ATP13A2: variants seen among roughly 807,000 people sequenced by gnomAD.
ATP13A2 encodes polyamine-transporting ATPase 13A2.
ATP13A2 carries 83 observed loss-of-function variants against 138.3 expected under a neutral mutation model. That is an observed-to-expected ratio of 0.60 (90% CI 0.50 to 0.72). The LOEUF (loss-of-function observed/expected upper bound fraction) is 0.72, where lower values mean the gene tolerates loss of function less well. Ranked by LOEUF, ATP13A2 falls within the 30% of genes least tolerant of loss-of-function variation. The pLI is 0.00. For synonymous variants in ATP13A2, 663 were observed against 699.0 expected, an observed-to-expected ratio of 0.95 and a Z score of 0.81; for missense variants, 1,402 against 1,606.4, an observed-to-expected ratio of 0.87 and a Z score of 2.17.
chr1:17,010,107 C>T (rs1230589895), intron 1 of ATP13A2, among the ~76,000 whole-genome samples: 4 of 150,806 alleles, frequency 2.7e-5, no homozygotes, highest in African/African-American at 2.4e-5. Flanking sequence ...CCCCTTCCCC[C>T]CTGCCCGTCT....
At chr1:17,002,502 G>C in intron 6 of ATP13A2, 129 bp from the exon 7 acceptor site, 1 of 1,108,276 alleles carries the variant, frequency 9.0e-7, no homozygotes, top group Admixed American at 2.2e-5. Context: ...GCTCCTGGGA[G>C]CAAGTAAGCC....
In ATP13A2 at chr1:16,993,692, G is replaced by A; in HGVS notation, c.1686C>T (p.Ser562=). ...CGCCCACGGGGGTGTCCTGGAGCCG[G>A]CTGAGGGCATGGCAGGTGGCCAGTG... ...LRALATCHAL[S]RLQDTPVGDP... The change falls in exon 16 of 29, where the codon AGC becomes AGT. Residue 562 remains serine (S), a synonymous_variant. Transcript: ENST00000326735. 1 of 1,596,674 alleles carries A rather than the reference G, an allele frequency of 6.3e-7. No individual in the cohort carries two copies. Among genetic ancestry groups the A allele is most frequent in the East Asian group, 2.3e-5 (1 of 44,266 alleles).
intron 8 of ATP13A2, 49 bp downstream of exon 8, chr1:17,001,985 C>G: frequency 6.3e-7 from 1 of 1,575,148 alleles, no homozygotes; most frequent in Non-Finnish European, 8.6e-7. Context: ...GGGCCAAGGT[C>G]ACACAGCACG....
rs372161403 is a variant in ATP13A2 at position 16,986,180 on chromosome 1, A to G, written c.*41T>C. 146 of 1,612,214 alleles carry G rather than the reference A, an allele frequency of 9.1e-5. No homozygotes were observed. Among genetic ancestry groups the G allele is most frequent in the Non-Finnish European group, 1.2e-4 (137 of 1,179,526 alleles). The stretch of plus-strand genomic sequence containing the variant: ...GAGAGGGGTCCAGTTGGTGGCTCAG[A>G]GGCAGGGAGTTCCAGTGTCTGGGGT... On this transcript the variant is annotated 3_prime_UTR_variant, in exon 29 of 29. Transcript: ENST00000326735. This position sits in a 1 kb window ranked among gnomAD's most constrained non-coding sequence, Gnocchi z 6.9.
chr1:16,997,860 G>A (rs2077199963), intron 11 of ATP13A2, among the ~76,000 whole-genome samples: 1 of 149,308 alleles, frequency 6.7e-6, no homozygotes, highest in Non-Finnish European at 1.5e-5. Context: ...GGGGAGGGGA[G>A]GGGATGGGGT....
chr1:16,987,397 G>GGAT, intron 25 of ATP13A2, 128 bp from the exon 26 acceptor site: 1 of 911,102 alleles, frequency 1.1e-6, no homozygotes, highest in Non-Finnish European at 1.8e-6. Context: ...GTCTAATGGG[G>GGAT]GCCGTACTCT....
rs756683120 is a variant in ATP13A2, at chr1:16,988,409, C to T, written c.2675G>A (p.Gly892Asp). ...GGCTTCTGCCTGGGACAGCGAGATG[C>T]CGACATCAGCCGCCTTCAGGGCCCC... ...DCGALKAADV[G>D]ISLSQAEASV... is the part of the protein sequence containing the mutation. Residue 892 changes from glycine (G) to aspartate (D), a missense_variant, in exon 24 of 29, where the codon GGC becomes GAC. Transcript: ENST00000326735. 1.9e-6 allele frequency: 3 copies of T among 1,614,026 alleles called. No individual in the cohort carries two copies. Among genetic ancestry groups the T allele is most frequent in the Non-Finnish European group, 2.5e-6 (3 of 1,180,032 alleles).
rs147384248 is a variant in ATP13A2, at chr1:17,002,343, G to A, written c.588C>T (p.Asp196=). ...SLLDHGRSCD[D]VHRSRHGLSL... ...TGAGGCCATGGCGGGAGCGGTGGAC[G>A]TCGTCACAAGAGCGGCCATGGTCCA... The change falls in exon 7 of 29, where the codon GAC becomes GAT. Residue 196 remains aspartate, a synonymous_variant. Coordinates refer to ENST00000326735, the MANE Select transcript of ATP13A2 (RefSeq NM_022089.4). 87 of 1,613,214 alleles carry A rather than the reference G, an allele frequency of 5.4e-5. No homozygotes were observed. The highest frequency in any genetic ancestry group is 3.3e-4 in the East Asian group (15 of 44,848).
chr1:17,008,115 G>A (rs965077909), intron 1 of ATP13A2, among the ~76,000 whole-genome samples: 2 of 152,172 alleles, frequency 1.3e-5, no homozygotes, highest in South Asian at 2.1e-4. Flanking sequence ...GATTACAGGC[G>A]TGAGCCACCA....
chr1:16,989,745 G>A lies in ATP13A2; in HGVS notation c.2555C>T (p.Ala852Val). 1.2e-6 allele frequency: 2 copies of A among 1,614,084 alleles called. No individual in the cohort carries two copies. Among genetic ancestry groups the A allele is most frequent in the Non-Finnish European group, 1.7e-6 (2 of 1,180,038 alleles). Residue 852 changes from alanine to valine, a missense_variant, in exon 23 of 29, where the codon GCC becomes GTC. Coordinates refer to ENST00000326735, the MANE Select transcript of ATP13A2 (RefSeq NM_022089.4). The stretch of plus-strand genomic sequence containing the variant: ...TGTCTTCTGCTCAGGGGCCATGCGG[G>A]CAAAGACAGTGCCCTGGACCAGGAC... ...PKVLVQGTVF[A>V]RMAPEQKTEL...
At chr1:16,994,895 C>A (rs1043731883) in intron 15 of ATP13A2, among the ~76,000 whole-genome samples, 2 of 152,146 alleles carry the variant, frequency 1.3e-5, no homozygotes, top group African/African-American at 4.8e-5. Flanking sequence ...AACTCCTGAC[C>A]TCATGATCCA....
chr1:17,002,041 A>G lies in ATP13A2; in HGVS notation c.698T>C (p.Val233Ala). Residue 233 changes from valine (V) to alanine (A), a missense_variant, in exon 8 of 29, where the codon GTG becomes GCG. Coordinates refer to ENST00000326735, the MANE Select transcript of ATP13A2 (RefSeq NM_022089.4). ...ACCCAGGGACAGCCCTACCTCGTCCACCAGCAGCTGGGGGTAGGACTTGAC... is the reference window on the plus strand; with the variant it reads ...ACCCAGGGACAGCCCTACCTCGTCCGCCAGCAGCTGGGGGTAGGACTTGAC... ...IPVKSYPQLL[V>A]DEALNPYYGF... 1 of 1,611,934 alleles carries G rather than the reference A, an allele frequency of 6.2e-7. No homozygotes were observed. The highest frequency in any genetic ancestry group is 8.5e-7 in the Non-Finnish European group (1 of 1,178,854).
chr1:17,006,414 C>G (rs2077564079), intron 1 of ATP13A2, among the ~76,000 whole-genome samples: 1 of 151,812 alleles, frequency 6.6e-6, no homozygotes, highest in Admixed American at 6.5e-5. Flanking sequence ...CCATGCCCAG[C>G]TAATTTTTGT....
chr1:17,005,888 A>T (rs1296926927), intron 1 of ATP13A2, 110 bp from the exon 2 acceptor site: 2 of 1,044,286 alleles, frequency 1.9e-6, no homozygotes, highest in Non-Finnish European at 2.8e-6. Context: ...TAATCCCAGC[A>T]CTTTGGGAGG....
Position 17,007,550 on chromosome 1 carries a change from C to CT in ATP13A2, c.11-1773dup, listed in dbSNP as rs67484789. The stretch of plus-strand genomic sequence containing the variant: ...AATCTGAGCCCTTCTAAAATTTTTC[C>CT]TTTTTTTTTTTTTTTTTTTGAGAGC... On this transcript the variant is annotated intron_variant, in intron 1 of 28. Transcript: ENST00000326735. Among the ~76,000 whole-genome samples, 151 of 80,762 alleles carry CT rather than the reference C, an allele frequency of 1.9e-3. 1 individual carries two copies. The highest frequency in any genetic ancestry group is 4.9e-3 in the African/African-American group (106 of 21,598). The allele number at this position is 80,762 out of a possible 152,430, so 53.0% of individuals were successfully genotyped here.
At chr1:17,006,028 A>G (rs2077547888) in intron 1 of ATP13A2, among the ~76,000 whole-genome samples, 1 of 151,550 alleles carries the variant, frequency 6.6e-6, no homozygotes, top group African/African-American at 2.4e-5. Context: ...TCAGCTACTC[A>G]GGAGGCTGAG....
chr1:17,007,842 C>T (rs982829314), intron 1 of ATP13A2, among the ~76,000 whole-genome samples: 1 of 148,806 alleles, frequency 6.7e-6, no homozygotes, highest in Non-Finnish European at 1.5e-5. Context: ...TGAGCCACAG[C>T]GCCCGGCGAG....
intron 3 of ATP13A2, 28 bp downstream of exon 3, chr1:17,005,346 C>T (rs754258023): frequency 9.5e-6 from 15 of 1,572,580 alleles, no homozygotes; most frequent in Admixed American, 1.9e-5. Flanking sequence ...CTGCGCTTCT[C>T]TAGCCCCAGG....
rs1349109326 is a variant in ATP13A2 at position 17,011,763 on chromosome 1, GC to G, written c.-26del. On this transcript the variant is annotated 5_prime_UTR_variant, in exon 1 of 29. Transcript: ENST00000326735. The surrounding 1 kb of genome is among the most constrained non-coding windows in gnomAD (Gnocchi z 7.3). ...TGCCGGCTCCTCGCGCTCATCGCCGGCCCCGGCGCTGCGGCCCTCGGCCTGG... is the reference window on the plus strand; with the variant it reads ...TGCCGGCTCCTCGCGCTCATCGCCGGCCCGGCGCTGCGGCCCTCGGCCTGG... The G allele has an allele frequency of 6.9e-7, 1 of 1,441,204 alleles. No individual in the cohort carries two copies. Among genetic ancestry groups the G allele is most frequent in the Non-Finnish European group, 9.1e-7 (1 of 1,099,902 alleles). The allele number at this position is 1,441,204 out of a possible 1,614,324, so 89.3% of individuals were successfully genotyped here.
Sources: gnomAD v4.1 joint callset for allele counts (sites outside exome capture counted in the v4.1 genomes callset) on GRCh38, gnomAD v4.1.1 for gene constraint, Gnocchi (gnomAD v3.1) non-coding constraint, MANE v1.5 for transcripts, NCBI Gene and HGNC (gene_info 2026-07-23, HGNC 2026-07-21) for gene names.